TFDP2: variants seen among roughly 807,000 people sequenced by gnomAD.
TFDP2 encodes transcription factor Dp-2.
A neutral mutation model predicts 59.3 loss-of-function variants in TFDP2; 17 were observed. That is an observed-to-expected ratio of 0.29 (90% CI 0.20 to 0.43). TFDP2 has a LOEUF of 0.43. Ranked by LOEUF, TFDP2 falls within the 20% of genes least tolerant of loss-of-function variation. The pLI, the probability that TFDP2 is intolerant of heterozygous loss-of-function variation, is 1.00. For missense variants in TFDP2, 391 were observed against 528.8 expected (o/e 0.74, Z 2.56); for synonymous variants, 180 against 194.7 (o/e 0.92, Z 0.63).
At chr3:142,091,534 C>T (rs551453301) in intron 3 of TFDP2, among the ~76,000 whole-genome samples, 138 of 151,930 alleles carry the variant, frequency 9.1e-4, no homozygotes, top group South Asian at 7.5e-3. Flanking sequence ...CCACTGCACT[C>T]CAGCCTGGGC....
intron 3 of TFDP2, among the ~76,000 whole-genome samples, chr3:142,049,346 T>C (rs1264656730): frequency 6.6e-6 from 1 of 152,022 alleles, no homozygotes; most frequent in African/African-American, 2.4e-5. Context: ...CCCCATATCA[T>C]CAGAATAAAA....
In TFDP2 at chr3:141,995,090, T is replaced by C. The variant is rs201993969; in HGVS notation, c.238A>G (p.Ser80Gly). Reference protein sequence around the residue: ...LTSSGSVLIGSPYTPAPAMVT... With the variant: ...LTSSGSVLIGGPYTPAPAMVT... ...ATTGCTGGTGCAGGGGTATATGGAC[T>C]CCCAATCAGAACACTTCCTGAACTG... Residue 80 changes from serine (S) to glycine (G), a missense_variant, in exon 5 of 13, where the codon AGT (serine) becomes GGT (glycine). Physicochemically the swap from Ser to Gly is moderately conservative, Grantham distance 56. Transcript: ENST00000489671. 16 of 1,611,404 alleles carry C rather than the reference T, an allele frequency of 9.9e-6. No individual in the cohort carries two copies. The highest frequency in any genetic ancestry group is 1.3e-5 in the Non-Finnish European group (15 of 1,178,520).
At chr3:142,004,441 G>A (rs1028836208) in intron 4 of TFDP2, among the ~76,000 whole-genome samples, 2 of 152,106 alleles carry the variant, frequency 1.3e-5, no homozygotes, top group South Asian at 2.1e-4. Context: ...TGAAAACACC[G>A]GCAATGAAGA....
intron 11 of TFDP2, among the ~76,000 whole-genome samples, chr3:141,954,568 C>T (rs1049880473): frequency 2.6e-5 from 4 of 151,454 alleles, no homozygotes; most frequent in Admixed American, 1.3e-4. Context: ...ACCCAGGAGG[C>T]GGAGGTTGCA....
chr3:141,992,403 A>T (rs1329102953), intron 6 of TFDP2, among the ~76,000 whole-genome samples: 6 of 152,212 alleles, frequency 3.9e-5, no homozygotes, highest in Non-Finnish European at 5.9e-5. Context: ...CTTACTTACA[A>T]AGGAGAATAA....
chr3:142,042,630 CTTT>C (rs66981475), intron 3 of TFDP2, among the ~76,000 whole-genome samples: 5,137 of 108,194 alleles, frequency 0.047, 361 homozygotes, highest in African/African-American at 0.16. Flanking sequence ...CTTTTCTTTT[CTTT>C]TTTTTTTTTT....
intron 3 of TFDP2, among the ~76,000 whole-genome samples, chr3:142,021,326 C>T (rs1264218592): frequency 6.6e-6 from 1 of 152,192 alleles, no homozygotes; most frequent in South Asian, 2.1e-4. Flanking sequence ...GAAAATCTGA[C>T]ACGCACATTC....
Position 142,045,427 on chromosome 3 carries a change from T to C in TFDP2, c.83-39883A>G, listed in dbSNP as rs566535903. ...CGCCCACCTTGGCCTCCCAAAGTGC[T>C]GCGATTACAGGTGTGAGCCACCACA... On this transcript the variant is annotated intron_variant, in intron 3 of 12. Coordinates refer to ENST00000489671, the MANE Select transcript of TFDP2 (RefSeq NM_001178139.2). Among the ~76,000 whole-genome samples the C allele has an allele frequency of 6.6e-5, 10 of 152,264 alleles. No individual in the cohort carries two copies. In the South Asian group the frequency reaches 2.1e-3, roughly 32 times the overall value.
At chr3:142,036,155 T>C (rs1946687204) in intron 3 of TFDP2, among the ~76,000 whole-genome samples, 2 of 152,218 alleles carry the variant, frequency 1.3e-5, no homozygotes, top group Admixed American at 6.5e-5. Flanking sequence ...GTCCTCTATA[T>C]GAGAACTTTT....
At chr3:142,093,953 C>A in intron 2 of TFDP2, 2 of 511,818 alleles carry the variant, frequency 3.9e-6, no homozygotes, top group Admixed American at 2.0e-5. Flanking sequence ...TGTCAGCATA[C>A]GTTACTGTCA....
chr3:142,078,413 C>G (rs1157276481), intron 3 of TFDP2, among the ~76,000 whole-genome samples: 1 of 152,222 alleles, frequency 6.6e-6, no homozygotes, highest in Non-Finnish European at 1.5e-5. Context: ...AACCCCTCCC[C>G]TATCTCCAGG....
chr3:142,122,066 A>C (rs1176539918), intron 1 of TFDP2, among the ~76,000 whole-genome samples: 1 of 152,204 alleles, frequency 6.6e-6, no homozygotes, highest in East Asian at 1.9e-4. Flanking sequence ...CTTTGGTAGG[A>C]AGTCAGCATA....
At position 142,123,798 on chromosome 3, in the gene TFDP2, T is replaced by C. The variant is rs909587762; in HGVS notation, c.-92-21957A>G. On this transcript the variant is annotated intron_variant, in intron 1 of 12. Transcript: ENST00000489671. ...ACCACTATTATTTAACAGTGTTCTA[T>C]AGGTTACTAACCAACACAACCAGAT... is the stretch of plus-strand genomic sequence containing the variant. 4.6e-5 allele frequency among the ~76,000 whole-genome samples: 7 copies of C among 152,310 alleles called. No individual in the cohort carries two copies. The South Asian group carries it at 8.3e-4, about 18-fold the overall frequency.
intron 4 of TFDP2, among the ~76,000 whole-genome samples, chr3:141,995,823 C>T (rs1241991009): frequency 1.5e-5 from 2 of 135,554 alleles, no homozygotes; most frequent in Non-Finnish European, 3.0e-5. Flanking sequence ...GTGGAAGTTG[C>T]AGTGAGTTGA....
intron 3 of TFDP2, among the ~76,000 whole-genome samples, chr3:142,045,700 C>A (rs1484184102): frequency 6.6e-6 from 1 of 151,110 alleles, no homozygotes; most frequent in Non-Finnish European, 1.5e-5. Context: ...GCAACCTCCG[C>A]CTCCCGGGTT....
intron 3 of TFDP2, among the ~76,000 whole-genome samples, chr3:142,051,062 G>A (rs1335303027): frequency 6.6e-6 from 1 of 152,200 alleles, no homozygotes; most frequent in African/African-American, 2.4e-5. Flanking sequence ...ACACTATCTG[G>A]TTTTAAGGCT....
intron 11 of TFDP2, among the ~76,000 whole-genome samples, chr3:141,954,279 C>G (rs1936290382): frequency 6.6e-6 from 1 of 152,138 alleles, no homozygotes; most frequent in Admixed American, 6.5e-5. Flanking sequence ...TGTAATTTTA[C>G]TGGTTTAATA....
chr3:142,065,499 T>G (rs532722884), intron 3 of TFDP2, among the ~76,000 whole-genome samples: 1 of 150,914 alleles, frequency 6.6e-6, no homozygotes, highest in African/African-American at 2.4e-5. Context: ...TCTGTGTGTG[T>G]GTGTGTGTGG....
rs186695581 is a variant in TFDP2, at chr3:142,118,350, C to T, written c.-92-16509G>A. On this transcript the variant is annotated intron_variant, in intron 1 of 12. Coordinates refer to ENST00000489671, the MANE Select transcript of TFDP2 (RefSeq NM_001178139.2). ...AAATGTACTGCAAAGTCAGAAAATA[C>T]AAACAAAAGCTTTTCTGCTGATGAT... 3.7e-4 allele frequency among the ~76,000 whole-genome samples: 56 copies of T among 152,222 alleles called. 1 individual carries two copies. In the South Asian group the frequency reaches 8.3e-3, roughly 23 times the overall value.
Sources: gnomAD v4.1 joint callset for allele counts (sites outside exome capture counted in the v4.1 genomes callset) on GRCh38, gnomAD v4.1.1 for gene constraint, MANE v1.5 for transcripts, NCBI Gene and HGNC (gene_info 2026-07-23, HGNC 2026-07-21) for gene names.